CCSER1: variants seen among roughly 807,000 people sequenced by gnomAD.
The protein encoded by CCSER1 is coiled-coil serine rich protein 1.
CCSER1 carries 41 observed loss-of-function variants against 82.0 expected under a neutral mutation model. The observed-to-expected ratio is 0.50, with a 90% CI of 0.39 to 0.65. CCSER1 has a LOEUF of 0.65. Among genes scored for constraint, CCSER1 ranks in the 30% least tolerant of loss-of-function variants. The pLI is 0.00. For synonymous variants in CCSER1, 414 were observed against 383.9 expected, an observed-to-expected ratio of 1.08 and a Z score of -0.92; for missense variants, 1,119 against 1,064.2, an observed-to-expected ratio of 1.05 and a Z score of -0.72.
At chr4:90,734,746 A>G (rs1404450730) in intron 7 of CCSER1, among the ~76,000 whole-genome samples, 4 of 152,146 alleles carry the variant, frequency 2.6e-5, no homozygotes, top group Non-Finnish European at 4.4e-5. Context: ...TTTTCCACAT[A>G]TAAGGTCATA....
intron 9 of CCSER1, among the ~76,000 whole-genome samples, chr4:90,996,418 T>G (rs1306667421): frequency 1.3e-5 from 2 of 152,142 alleles, no homozygotes; most frequent in Non-Finnish European, 2.9e-5. Flanking sequence ...ATACTTCCAT[T>G]TATTTATTAT....
At chr4:90,297,155 C>A (rs1183386280) in intron 1 of CCSER1, among the ~76,000 whole-genome samples, 1 of 151,238 alleles carries the variant, frequency 6.6e-6, no homozygotes, top group African/African-American at 2.5e-5. Flanking sequence ...TGTTTGTATC[C>A]TCTTTTATTT....
chr4:91,595,964 A>C (rs1332045451), intron 10 of CCSER1, among the ~76,000 whole-genome samples: 1 of 151,332 alleles, frequency 6.6e-6, no homozygotes, highest in Non-Finnish European at 1.5e-5. Flanking sequence ...AAAAAAAAAA[A>C]AAACCAAGGG....
At chr4:91,119,489 G>A (rs1318814863) in intron 10 of CCSER1, among the ~76,000 whole-genome samples, 1 of 151,796 alleles carries the variant, frequency 6.6e-6, no homozygotes, top group Non-Finnish European at 1.5e-5. Flanking sequence ...TCTATATACT[G>A]TATATTTCTT....
intron 6 of CCSER1, among the ~76,000 whole-genome samples, chr4:90,685,035 T>G (rs1734556401): frequency 6.6e-6 from 1 of 152,166 alleles, no homozygotes; most frequent in Non-Finnish European, 1.5e-5. Context: ...TATTTGAAAT[T>G]TGGACACAAT....
chr4:90,454,343 C>T (rs116362273), intron 4 of CCSER1, among the ~76,000 whole-genome samples: 460 of 151,092 alleles, frequency 3.0e-3, no homozygotes, highest in African/African-American at 0.011. Context: ...TTTGCAGCTT[C>T]CTTCTGATGT....
At chr4:90,196,690 A>ACACACACACACACACAC (rs1736695004) in intron 1 of CCSER1, among the ~76,000 whole-genome samples, 1 of 62,022 alleles carries the variant, frequency 1.6e-5, no homozygotes, top group African/African-American at 9.5e-5. Flanking sequence ...CACACACACA[A>ACACACACACACACACAC]TCTTAGCTCA....
chr4:91,344,697 C>T (rs1206813250), intron 10 of CCSER1, among the ~76,000 whole-genome samples: 1 of 150,718 alleles, frequency 6.6e-6, no homozygotes, highest in Non-Finnish European at 1.5e-5. Context: ...TAGTGAATGG[C>T]ATTAAAAGTT....
At chr4:90,658,412 C>G (rs191113038) in intron 6 of CCSER1, among the ~76,000 whole-genome samples, 15 of 152,260 alleles carry the variant, frequency 9.9e-5, no homozygotes, top group Non-Finnish European at 1.5e-5. Flanking sequence ...GGAAAGAAAA[C>G]CAGGAGTTTC....
intron 10 of CCSER1, among the ~76,000 whole-genome samples, chr4:91,315,851 C>G (rs1473916339): frequency 1.3e-5 from 2 of 151,938 alleles, no homozygotes; most frequent in Non-Finnish European, 2.9e-5. Context: ...GGCAAGTTAT[C>G]TGAGTTCTCT....
intron 5 of CCSER1, among the ~76,000 whole-genome samples, chr4:90,573,107 C>A (rs1006264826): frequency 6.6e-6 from 1 of 152,224 alleles, no homozygotes. Flanking sequence ...AAACTCAGTG[C>A]GCCTGTAGTG....
At chr4:90,739,242 G>A (rs1009455031) in intron 7 of CCSER1, among the ~76,000 whole-genome samples, 2 of 152,204 alleles carry the variant, frequency 1.3e-5, no homozygotes, top group African/African-American at 4.8e-5. Flanking sequence ...TTGGCCCATG[G>A]TATATCTGGA....
intron 10 of CCSER1, among the ~76,000 whole-genome samples, chr4:91,593,990 A>C (rs2110347192): frequency 6.6e-6 from 1 of 152,308 alleles, no homozygotes; most frequent in African/African-American, 2.4e-5. Context: ...TGAACTTATT[A>C]TAATGTGCAC....
intron 10 of CCSER1, among the ~76,000 whole-genome samples, chr4:91,552,336 C>T (rs79729316): frequency 0.07 from 10,666 of 151,684 alleles, 661 homozygotes; most frequent in South Asian, 0.16. Flanking sequence ...ACATAAATTA[C>T]TTTCCAGGCA....
At chr4:90,268,791 G>T (rs1169008105) in intron 1 of CCSER1, among the ~76,000 whole-genome samples, 2 of 151,946 alleles carry the variant, frequency 1.3e-5, no homozygotes, top group Admixed American at 6.6e-5. Flanking sequence ...ACGATCTGTT[G>T]CCTACAAGAA....
At chr4:91,413,445 G>A (rs535181639) in intron 10 of CCSER1, among the ~76,000 whole-genome samples, 2 of 151,866 alleles carry the variant, frequency 1.3e-5, no homozygotes, top group South Asian at 4.2e-4. Flanking sequence ...GGGTGACAGA[G>A]TGAGACCATG....
intron 8 of CCSER1, among the ~76,000 whole-genome samples, chr4:90,817,321 G>A (rs528520767): frequency 6.6e-6 from 1 of 151,972 alleles, no homozygotes; most frequent in Non-Finnish European, 1.5e-5. Context: ...ACTCAGAAAA[G>A]AGTATTCTTT....
At chr4:91,259,875 T>C (rs1023912732) in intron 10 of CCSER1, among the ~76,000 whole-genome samples, 3 of 152,222 alleles carry the variant, frequency 2.0e-5, no homozygotes, top group Non-Finnish European at 4.4e-5. Context: ...GTCTTTGCTA[T>C]TGTGAATAGT....
chr4:91,454,661 A>C (rs1756055836), intron 10 of CCSER1, among the ~76,000 whole-genome samples: 1 of 152,034 alleles, frequency 6.6e-6, no homozygotes, highest in African/African-American at 2.4e-5. Flanking sequence ...TCAGGATCTT[A>C]TTTAATTTTT....
Sources: allele counts gnomAD v4.1 joint callset (sites outside exome capture counted in the v4.1 genomes callset), GRCh38; gene constraint gnomAD v4.1.1; transcripts MANE v1.5; gene names NCBI Gene and HGNC (gene_info 2026-07-23, HGNC 2026-07-21).